The following MTUS1 variants were observed in gnomAD, a reference collection of about 807,000 sequenced individuals.
MTUS1 encodes microtubule associated scaffold protein 1.
MTUS1 carries 109 observed loss-of-function variants against 120.8 expected under a neutral mutation model. The ratio of observed to expected loss-of-function variants is 0.90; its 90% CI spans 0.77 to 1.06. MTUS1 has a LOEUF of 1.06. Ranked by LOEUF, MTUS1 falls within the 50% of genes least tolerant of loss-of-function variation. The probability of loss-of-function intolerance (pLI) is 0.00; values close to 1 mark genes in which losing one functional copy is unlikely to be tolerated. For synonymous variants in MTUS1, 737 were observed against 550.5 expected (o/e 1.34, Z -4.74); for missense variants, 2,210 against 1,486.3 (o/e 1.49, Z -8.01).
intron 1 of MTUS1, among the ~76,000 whole-genome samples, chr8:17,784,370 A>T (rs2131544135): frequency 7.0e-6 from 1 of 142,830 alleles, no homozygotes; most frequent in East Asian, 2.0e-4. Context: ...ATCTCGGCTC[A>T]CTGCAACCTC....
At chr8:17,659,927 T>C (rs538655318) in intron 8 of MTUS1, among the ~76,000 whole-genome samples, 109 of 152,188 alleles carry the variant, frequency 7.2e-4, no homozygotes, top group African/African-American at 2.6e-3. Context: ...TTACTTTCTT[T>C]CTCTATGAAT....
chr8:17,762,553 G>A (rs1343564085), intron 1 of MTUS1, among the ~76,000 whole-genome samples: 1 of 152,158 alleles, frequency 6.6e-6, no homozygotes. Context: ...ACCGAGTAGA[G>A]GAGTACTTGG....
chr8:17,737,047 C>T (rs1299218926), intron 3 of MTUS1, among the ~76,000 whole-genome samples: 2 of 152,236 alleles, frequency 1.3e-5, no homozygotes, highest in African/African-American at 4.8e-5. Context: ...GCCTTCCCCA[C>T]ATTCTCCTTC....
chr8:17,779,071 T>A (rs191034137), intron 1 of MTUS1, among the ~76,000 whole-genome samples: 37 of 152,250 alleles, frequency 2.4e-4, no homozygotes, highest in Admixed American at 1.4e-3. Flanking sequence ...TATTACGGGA[T>A]TAGGGGTCAA....
rs1050801432 is a variant in MTUS1 at position 17,654,442 on chromosome 8, C to T, written c.3214+119G>A. 4 of 709,978 alleles carry T rather than the reference C, an allele frequency of 5.6e-6. No homozygotes were observed. The African/African-American group carries it at 7.2e-5, about 13-fold the overall frequency. 44.0% of individuals were successfully genotyped at this position (709,978 alleles called of 1,614,324 possible). On this transcript the variant is annotated intron_variant, in intron 10 of 14. Transcript: ENST00000693296. ...ACGCAAAAAGGAACCAAGAACACCC[C>T]AGCCTGAAGGCCACAGGGCATTCGC...
chr8:17,742,456 G>A (rs1014066222), intron 3 of MTUS1, among the ~76,000 whole-genome samples: 7 of 151,790 alleles, frequency 4.6e-5, no homozygotes, highest in African/African-American at 1.7e-4. Flanking sequence ...GACTCCCCAG[G>A]TGTGGCAATA....
At position 17,645,494 on chromosome 8, in the gene MTUS1, G is replaced by T. The variant is rs190179499; in HGVS notation, c.*432C>A. 167 of 168,620 alleles carry T rather than the reference G, an allele frequency of 9.9e-4. No homozygotes were observed. Among genetic ancestry groups the T allele is most frequent in the Admixed American group, 1.7e-3 (29 of 16,752 alleles). 10.4% of individuals were successfully genotyped at this position (168,620 alleles called of 1,614,324 possible). On this transcript the variant is annotated 3_prime_UTR_variant, in exon 15 of 15. Coordinates refer to ENST00000693296, the MANE Select transcript of MTUS1 (RefSeq NM_001363059.2). ...CTGCATCAGACACATGACACTCTGT[G>T]ACATCCATTTCATTCACACCCCCCA...
At chr8:17,680,799 G>T (rs1814294814) in intron 7 of MTUS1, among the ~76,000 whole-genome samples, 1 of 152,120 alleles carries the variant, frequency 6.6e-6, no homozygotes, top group Non-Finnish European at 1.5e-5. Flanking sequence ...GAATGCTCAC[G>T]CCACAAGAGG....
chr8:17,790,425 A>C (rs1386749213), intron 1 of MTUS1, among the ~76,000 whole-genome samples: 1 of 152,176 alleles, frequency 6.6e-6, no homozygotes, highest in Non-Finnish European at 1.5e-5. Flanking sequence ...CTAATCTATG[A>C]AGTGAGATAC....
chr8:17,680,128 C>T (rs572687604), intron 7 of MTUS1, among the ~76,000 whole-genome samples: 4 of 152,108 alleles, frequency 2.6e-5, no homozygotes, highest in East Asian at 1.9e-4. Flanking sequence ...GGAATCCAGA[C>T]GGGAACAGAA....
intron 6 of MTUS1, among the ~76,000 whole-genome samples, chr8:17,709,397 G>A (rs751313331): frequency 1.4e-4 from 22 of 152,010 alleles, no homozygotes; most frequent in Non-Finnish European, 2.8e-4. Flanking sequence ...AGAACTCAGT[G>A]CATTTGTGAT....
chr8:17,787,900 C>T (rs946100764), intron 1 of MTUS1, among the ~76,000 whole-genome samples: 9 of 152,220 alleles, frequency 5.9e-5, no homozygotes, highest in Non-Finnish European at 1.3e-4. Context: ...GCAGGCGGAT[C>T]ACCTGAGTAA....
intron 8 of MTUS1, among the ~76,000 whole-genome samples, chr8:17,666,683 A>AG (rs1195656886): frequency 1.1e-4 from 16 of 152,280 alleles, no homozygotes; most frequent in African/African-American, 3.6e-4. Flanking sequence ...CTAATAAGGA[A>AG]GAAAAACTGG....
intron 1 of MTUS1, chr8:17,780,769 T>G (rs1366595944): frequency 6.6e-6 from 1 of 152,226 alleles, no homozygotes. Flanking sequence ...TTCTGAATTG[T>G]ACTCAGTTCC....
rs779091812 is a variant in MTUS1, at chr8:17,657,923, ATG to A, written c.2906-1860_2906-1859del. On this transcript the variant is annotated intron_variant, in intron 8 of 14. Transcript: ENST00000693296. The stretch of plus-strand genomic sequence containing the variant: ...TATGCATGCATATATGTATATATCT[ATG>A]TGTACATGTGTATATATGTACATAT... Among the ~76,000 whole-genome samples the A allele has an allele frequency of 2.6e-5, 4 of 151,418 alleles. No individual in the cohort carries two copies. The East Asian group carries it at 7.7e-4, about 29-fold the overall frequency.
chr8:17,730,251 G>C (rs952269281), intron 3 of MTUS1, among the ~76,000 whole-genome samples: 8 of 152,160 alleles, frequency 5.3e-5, no homozygotes, highest in African/African-American at 1.9e-4. Context: ...GCCAAGGCAG[G>C]GGATCACCGG....
At chr8:17,688,004 CCA>C (rs1816181342) in intron 6 of MTUS1, among the ~76,000 whole-genome samples, 1 of 152,146 alleles carries the variant, frequency 6.6e-6, no homozygotes, top group African/African-American at 2.4e-5. Flanking sequence ...CTAACCGTAA[CCA>C]CATACTAGCA....
At chr8:17,678,568 C>T in intron 7 of MTUS1, among the ~76,000 whole-genome samples, 1 of 152,108 alleles carries the variant, frequency 6.6e-6, no homozygotes, top group East Asian at 1.9e-4. Flanking sequence ...CATAGAGCAT[C>T]TTGCAGAGAA....
chr8:17,684,571 G>C (rs757223457), intron 6 of MTUS1, 29 bp from the exon 7 acceptor site: 3 of 1,554,124 alleles, frequency 1.9e-6, no homozygotes, highest in Non-Finnish European at 1.8e-6. Flanking sequence ...TAGGTACAAA[G>C]ATAGGTGAGG....
Sources: allele counts gnomAD v4.1 joint callset (sites outside exome capture counted in the v4.1 genomes callset), GRCh38; gene constraint gnomAD v4.1.1; transcripts MANE v1.5; gene names NCBI Gene and HGNC (gene_info 2026-07-23, HGNC 2026-07-21).